SND1: variants seen among roughly 807,000 people sequenced by gnomAD.
SND1 encodes staphylococcal nuclease domain-containing protein 1.
In SND1, 38 loss-of-function variants were observed where a neutral mutation model predicts 121.7. That is an observed-to-expected ratio of 0.31 (90% CI 0.24 to 0.41). SND1 has a LOEUF of 0.41. SND1 is among the 10% of genes least tolerant of loss of function. The pLI, the probability that SND1 is intolerant of heterozygous loss-of-function variation, is 1.00. For missense variants in SND1, 868 were observed against 1,184.6 expected (o/e 0.73, Z 3.92); for synonymous variants, 401 against 447.4 (o/e 0.90, Z 1.31).
intron 16 of SND1, among the ~76,000 whole-genome samples, chr7:128,026,658 T>C (rs539631922): frequency 6.6e-6 from 1 of 152,326 alleles, no homozygotes; most frequent in East Asian, 1.9e-4. Context: ...AACTACATTA[T>C]TGCAGGCCTC....
intron 16 of SND1, among the ~76,000 whole-genome samples, chr7:128,050,610 AGC>A (rs1472392512): frequency 6.6e-6 from 1 of 152,016 alleles, no homozygotes; most frequent in African/African-American, 2.4e-5. Flanking sequence ...ACTTGAGAAA[AGC>A]TCTCTTTAGC....
intron 12 of SND1, among the ~76,000 whole-genome samples, chr7:127,861,385 T>C (rs1183661863): frequency 6.6e-6 from 1 of 152,198 alleles, no homozygotes; most frequent in Non-Finnish European, 1.5e-5. Flanking sequence ...TCTTGCACTG[T>C]TGAGGTTTGT....
intron 12 of SND1, among the ~76,000 whole-genome samples, chr7:127,879,794 G>A (rs1313070636): frequency 6.6e-6 from 1 of 152,114 alleles, no homozygotes; most frequent in Non-Finnish European, 1.5e-5. Context: ...GGTGACAGAG[G>A]CCTAGGATAC....
At chr7:127,891,663 T>C (rs1219101333) in intron 13 of SND1, among the ~76,000 whole-genome samples, 1 of 152,128 alleles carries the variant, frequency 6.6e-6, no homozygotes, top group Admixed American at 6.5e-5. Context: ...GCAGATCTCA[T>C]TAGTGAGTTG....
intron 12 of SND1, among the ~76,000 whole-genome samples, chr7:127,865,411 G>A (rs903595308): frequency 2.6e-5 from 4 of 152,148 alleles, no homozygotes; most frequent in African/African-American, 9.7e-5. Context: ...CAAAAACATT[G>A]TTTGTCTGTC....
At chr7:127,927,908 A>C (rs1800874221) in intron 14 of SND1, among the ~76,000 whole-genome samples, 1 of 152,238 alleles carries the variant, frequency 6.6e-6, no homozygotes, top group Non-Finnish European at 1.5e-5. Context: ...CACAGAAGTC[A>C]GGAAAGTTTG....
At chr7:127,744,880 T>C (rs1363778143) in intron 10 of SND1, among the ~76,000 whole-genome samples, 2 of 152,218 alleles carry the variant, frequency 1.3e-5, no homozygotes, top group Non-Finnish European at 2.9e-5. Context: ...GAGCAAACTC[T>C]GAGATGAACA....
In SND1 at chr7:127,771,638, C is replaced by T. The variant is rs567469108; in HGVS notation, c.1153-35846C>T. Among the ~76,000 whole-genome samples, 5 of 152,080 alleles carry T rather than the reference C, an allele frequency of 3.3e-5. No homozygotes were observed. In the East Asian group the frequency reaches 9.7e-4, roughly 29 times the overall value. On this transcript the variant is annotated intron_variant, in intron 10 of 23. Transcript: ENST00000354725. ...AAAAAAGAAGTCTTAAAAAGCACCC[C>T]CCTATACACATACATACACATAGCT...
rs1387447852 is a variant in SND1, at chr7:128,015,091, C to A, written c.1779+24035C>A. 1.3e-5 allele frequency among the ~76,000 whole-genome samples: 2 copies of A among 152,216 alleles called. No individual in the cohort carries two copies. The highest frequency in any genetic ancestry group is 4.8e-5 in the African/African-American group (2 of 41,446). On this transcript the variant is annotated intron_variant, in intron 16 of 23. Coordinates refer to ENST00000354725, the MANE Select transcript of SND1 (RefSeq NM_014390.4). This position sits in a 1 kb window ranked among gnomAD's most constrained non-coding sequence, Gnocchi z 4.5. ...GCTGTCTGAGCCATCAGCAGCTGCA[C>A]CTCCTCCCTCGCGCCTTCTGTCTGA...
intron 16 of SND1, among the ~76,000 whole-genome samples, chr7:128,031,832 G>A (rs1191469513): frequency 1.3e-5 from 2 of 149,928 alleles, no homozygotes; most frequent in East Asian, 4.0e-4. Flanking sequence ...GGCTTTGTGC[G>A]GAGGGAGCGA....
chr7:128,028,549 GT>G lies in SND1; in HGVS notation c.1779+37501del, dbSNP rs906874993. ...TTGTCTTTAAATTTTAATATAATCT[GT>G]TTTTTTTAACCAGCCCATAGACTTA... On this transcript the variant is annotated intron_variant, in intron 16 of 23. Transcript: ENST00000354725. The G allele has an allele frequency of 1.0e-4, 85 of 831,730 alleles. 1 individual carries two copies. The highest frequency in any genetic ancestry group is 2.1e-4 in the African/African-American group (12 of 57,504). The allele number at this position is 831,730 out of a possible 1,614,324, so 51.5% of individuals were successfully genotyped here. A position where few individuals can be genotyped will look rare whatever the true frequency, so the allele number is the denominator to read the frequency against.
intron 16 of SND1, chr7:128,030,799 AT>A: frequency 3.2e-6 from 3 of 940,972 alleles, no homozygotes; most frequent in Non-Finnish European, 4.6e-6. Context: ...GCCGAAAAAA[AT>A]CCTGCCAAAC....
At chr7:127,792,135 GA>G (rs1797919625) in intron 10 of SND1, among the ~76,000 whole-genome samples, 1 of 152,108 alleles carries the variant, frequency 6.6e-6, no homozygotes, top group Admixed American at 6.5e-5. Flanking sequence ...ACCAATTGTT[GA>G]ATCTTGTGAG....
intron 16 of SND1, among the ~76,000 whole-genome samples, chr7:128,035,058 CAG>C (rs1411805117): frequency 6.6e-6 from 1 of 152,078 alleles, no homozygotes; most frequent in Non-Finnish European, 1.5e-5. Context: ...GTGATAACGC[CAG>C]AGAGAGCTAA....
intron 16 of SND1, among the ~76,000 whole-genome samples, chr7:128,007,396 A>G (rs1304094059): frequency 6.6e-6 from 1 of 152,172 alleles, no homozygotes; most frequent in Non-Finnish European, 1.5e-5. Context: ...AAGGCTTGCC[A>G]TGGGTGGGAA....
chr7:128,018,232 T>C, intron 16 of SND1, among the ~76,000 whole-genome samples: 1 of 152,206 alleles, frequency 6.6e-6, no homozygotes, highest in South Asian at 2.1e-4. Flanking sequence ...ATCTTTTAAG[T>C]ACAAAGAAAG....
chr7:128,085,613 C>T lies in SND1; in HGVS notation c.2235-98C>T. The T allele has an allele frequency of 9.5e-7, 1 of 1,052,258 alleles. No individual in the cohort carries two copies. The highest frequency in any genetic ancestry group is 1.5e-6 in the Non-Finnish European group (1 of 683,976). 65.2% of individuals were successfully genotyped at this position (1,052,258 alleles called of 1,614,324 possible). ...CCCTGTGACACCCGTTGAACCCAGG[C>T]AGGGAAATGCTGTGCCCCTGCCCCG... On this transcript the variant is annotated intron_variant, in intron 19 of 23. Transcript: ENST00000354725. The surrounding 1 kb of genome is among the most constrained non-coding windows in gnomAD (Gnocchi z 4.4).
chr7:127,770,050 C>T (rs1797486799), intron 10 of SND1, among the ~76,000 whole-genome samples: 1 of 152,188 alleles, frequency 6.6e-6, no homozygotes, highest in African/African-American at 2.4e-5. Flanking sequence ...TTGCTGCTGC[C>T]TAACCTTCCA....
intron 14 of SND1, among the ~76,000 whole-genome samples, chr7:127,926,372 C>A (rs1800832879): frequency 6.6e-6 from 1 of 151,930 alleles, no homozygotes; most frequent in African/African-American, 2.4e-5. Flanking sequence ...GATGAAATAT[C>A]CATCTTTCCA....
Sources: gnomAD v4.1 joint callset for allele counts (sites outside exome capture counted in the v4.1 genomes callset) on GRCh38, gnomAD v4.1.1 for gene constraint, Gnocchi (gnomAD v3.1) non-coding constraint, MANE v1.5 for transcripts, NCBI Gene and HGNC (gene_info 2026-07-23, HGNC 2026-07-21) for gene names.